Variants in CDCA7L observed in about 807,000 individuals in gnomAD.
CDCA7L encodes the protein cell division cycle associated 7 like, also known as cell division cycle-associated 7-like protein.
CDCA7L carries 44 observed loss-of-function variants against 57.4 expected under a neutral mutation model. The observed-to-expected ratio is 0.77, with a 90% CI of 0.60 to 0.98. The LOEUF (loss-of-function observed/expected upper bound fraction) is 0.98, where lower values mean the gene tolerates loss of function less well. CDCA7L is among the 50% of genes least tolerant of loss of function. CDCA7L has a pLI of 0.00. For synonymous variants in CDCA7L, 236 were observed against 202.8 expected, an observed-to-expected ratio of 1.16 and a Z score of -1.39; for missense variants, 644 against 580.6, an observed-to-expected ratio of 1.11 and a Z score of -1.12.
chr7:21,945,656 G>C, intron 1 of CDCA7L, 125 bp downstream of exon 1: 6 of 1,227,332 alleles, frequency 4.9e-6, no homozygotes, highest in Non-Finnish European at 6.9e-6. Context: ...AACCGGCTGG[G>C]CGCGCCAGAT....
Position 21,902,161 on chromosome 7 carries a change from CTTTG to C in CDCA7L, c.*157_*160del. ...CTGCTCTGCTGTCTTCCTGAGAAAT[CTTTG>C]TAAGCATATAAACAATCTTTAACAA... On this transcript the variant is annotated 3_prime_UTR_variant, in exon 10 of 10. Coordinates refer to ENST00000406877, the MANE Select transcript of CDCA7L (RefSeq NM_018719.5). 1.4e-6 allele frequency: 1 copy of C among 706,738 alleles called. No homozygotes were observed. Among genetic ancestry groups the C allele is most frequent in the Non-Finnish European group, 2.5e-6 (1 of 406,174 alleles). The allele number at this position is 706,738 out of a possible 1,614,324, so 43.8% of individuals were successfully genotyped here.
intron 7 of CDCA7L, among the ~76,000 whole-genome samples, chr7:21,904,591 C>T (rs1019166328): frequency 8.5e-5 from 13 of 152,184 alleles, no homozygotes; most frequent in Non-Finnish European, 1.2e-4. Flanking sequence ...GTGAATTGCA[C>T]ATGTGAGGGA....
In CDCA7L at chr7:21,902,277, T is replaced by TTGGAGTACTCTATGGTGAGGTG. The variant is rs1562617376; in HGVS notation, c.*23_*44dup. Reference sequence around the variant, plus strand: ...AGGCACCAATGGTATGCATGTCTTGTTGGAGTACTCTATGGTGAGGTGGCT... The same window carrying TTGGAGTACTCTATGGTGAGGTG: ...AGGCACCAATGGTATGCATGTCTTGTTGGAGTACTCTATGGTGAGGTGTGGAGTACTCTATGGTGAGGTGGCT... On this transcript the variant is annotated 3_prime_UTR_variant, in exon 10 of 10. Coordinates refer to ENST00000406877, the MANE Select transcript of CDCA7L (RefSeq NM_018719.5). The TTGGAGTACTCTATGGTGAGGTG allele has an allele frequency of 6.4e-7, 1 of 1,560,878 alleles. No homozygotes were observed. Among genetic ancestry groups the TTGGAGTACTCTATGGTGAGGTG allele is most frequent in the Non-Finnish European group, 8.8e-7 (1 of 1,131,936 alleles).
intron 3 of CDCA7L, 126 bp downstream of exon 3, chr7:21,911,491 T>TA: frequency 8.3e-7 from 1 of 1,206,658 alleles, no homozygotes; most frequent in Non-Finnish European, 1.1e-6. Flanking sequence ...GTTATGTTAA[T>TA]TGCTTGTAAG....
At chr7:21,921,933 A>C (rs1391602662) in intron 1 of CDCA7L, among the ~76,000 whole-genome samples, 3 of 152,202 alleles carry the variant, frequency 2.0e-5, no homozygotes, top group Non-Finnish European at 2.9e-5. Flanking sequence ...ATCAAAAGTC[A>C]TATGGGGGAC....
At chr7:21,939,788 C>A (rs1664042935) in intron 1 of CDCA7L, among the ~76,000 whole-genome samples, 1 of 152,006 alleles carries the variant, frequency 6.6e-6, no homozygotes, top group Non-Finnish European at 1.5e-5. Flanking sequence ...CTCTAACAAT[C>A]AAAAAGAAAC....
chr7:21,916,215 C>A lies in CDCA7L; in HGVS notation c.165+539G>T, dbSNP rs529323806. On this transcript the variant is annotated intron_variant, in intron 2 of 9. Coordinates refer to ENST00000406877, the MANE Select transcript of CDCA7L (RefSeq NM_018719.5). ...AAGGGTAGAGATTTTGGCCATTCTACTACTAGGACACAATGTGAACCTCCA... is the reference window on the plus strand; with the variant it reads ...AAGGGTAGAGATTTTGGCCATTCTAATACTAGGACACAATGTGAACCTCCA... Among the ~76,000 whole-genome samples, 10 of 152,232 alleles carry A rather than the reference C, an allele frequency of 6.6e-5. No individual in the cohort carries two copies. The South Asian group carries it at 8.3e-4, about 13-fold the overall frequency.
In CDCA7L at chr7:21,901,191, G is replaced by A. The variant is rs1784807762; in HGVS notation, c.*1131C>T. 2 of 1,613,432 alleles carry A rather than the reference G, an allele frequency of 1.2e-6. No homozygotes were observed. The highest frequency in any genetic ancestry group is 8.5e-7 in the Non-Finnish European group (1 of 1,179,704). ...CCAGCTACATCTGGACCTTCAGGCT[G>A]AAGAGCGAAGAGAAGACTGCAAAAT... is the stretch of plus-strand genomic sequence containing the variant. On this transcript the variant is annotated 3_prime_UTR_variant, in exon 10 of 10. Transcript: ENST00000406877.
At chr7:21,914,610 G>C (rs1272676384) in intron 2 of CDCA7L, among the ~76,000 whole-genome samples, 2 of 152,224 alleles carry the variant, frequency 1.3e-5, no homozygotes, top group Non-Finnish European at 2.9e-5. Context: ...TGTCAGTTCA[G>C]TTCCTGTGCC....
Position 21,903,093 on chromosome 7 carries a change from G to C in CDCA7L, c.1219C>G (p.Arg407Gly). 1 of 1,613,818 alleles carries C rather than the reference G, an allele frequency of 6.2e-7. No individual in the cohort carries two copies. ...LDPDWVCPPCRGICNCSYCRK... is the reference protein window; with the variant it reads ...LDPDWVCPPCGGICNCSYCRK... Reference sequence around the variant, plus strand: ...CAGTAGCTGCAATTGCAGATCCCACGACAGGGGGGACACACCCAATCCTAA... The same window carrying C: ...CAGTAGCTGCAATTGCAGATCCCACCACAGGGGGGACACACCCAATCCTAA... The change falls in exon 9 of 10, where the codon CGT (arginine) becomes GGT (glycine). Residue 407 changes from arginine (R) to glycine (G), a missense_variant. By Grantham distance (125) the Arg-to-Gly change is moderately radical (BLOSUM62 -2). Transcript: ENST00000406877.
Position 21,911,737 on chromosome 7 carries a change from A to G in CDCA7L, c.183T>C (p.His61=). The G allele has an allele frequency of 1.2e-6, 2 of 1,612,962 alleles. No homozygotes were observed. The highest frequency in any genetic ancestry group is 3.3e-5 in the Admixed American group (2 of 59,770). ...TTAGCTCTTCTGTGAAGTATTTGGAATGAAAGCGCACATCCTGCTAAATTA... is the reference window on the plus strand; with the variant it reads ...TTAGCTCTTCTGTGAAGTATTTGGAGTGAAAGCGCACATCCTGCTAAATTA... The part of the protein sequence containing the change: ...ESGKQQDVRF[H]SKYFTEELRR... The change falls in exon 3 of 10, where the codon CAT becomes CAC. Residue 61 remains histidine (H), a synonymous_variant. Transcript: ENST00000406877.
In CDCA7L at chr7:21,923,113, A is replaced by G. The variant is rs376312784; in HGVS notation, c.25-6219T>C. ...TATGCTTAACACTACTGAACCATAC[A>G]TTTTAAAATGGCTAAGATAGGAGAT... On this transcript the variant is annotated intron_variant, in intron 1 of 9. Coordinates refer to ENST00000406877, the MANE Select transcript of CDCA7L (RefSeq NM_018719.5). Among the ~76,000 whole-genome samples the G allele has an allele frequency of 7.9e-5, 12 of 152,340 alleles. No individual in the cohort carries two copies. In the East Asian group the frequency reaches 9.6e-4, roughly 12 times the overall value.
intron 1 of CDCA7L, among the ~76,000 whole-genome samples, chr7:21,927,089 T>C (rs564893231): frequency 2.6e-5 from 4 of 152,264 alleles, no homozygotes; most frequent in Middle Eastern, 3.4e-3. Context: ...ACTTCTCGAA[T>C]ATTTAATTCT....
intron 1 of CDCA7L, among the ~76,000 whole-genome samples, chr7:21,921,412 C>G (rs919201838): frequency 1.4e-5 from 2 of 147,902 alleles, no homozygotes; most frequent in African/African-American, 5.0e-5. Context: ...CTAACAGATG[C>G]AACAAAGGCA....
At chr7:21,914,099 C>T (rs1785410173) in intron 2 of CDCA7L, among the ~76,000 whole-genome samples, 2 of 152,190 alleles carry the variant, frequency 1.3e-5, no homozygotes, top group Admixed American at 1.3e-4. Flanking sequence ...GAGAAGCTAA[C>T]ATAGGTGGAT....
chr7:21,920,211 T>G (rs1320347147), intron 1 of CDCA7L, among the ~76,000 whole-genome samples: 2 of 152,234 alleles, frequency 1.3e-5, no homozygotes, highest in Non-Finnish European at 1.5e-5. Flanking sequence ...AGTATTATTA[T>G]GACATTACAT....
chr7:21,910,581 G>A (rs1465014843), intron 3 of CDCA7L, among the ~76,000 whole-genome samples: 2 of 152,190 alleles, frequency 1.3e-5, no homozygotes, highest in East Asian at 3.9e-4. Context: ...TCATACTGAA[G>A]AAGATAGTAG....
intron 1 of CDCA7L, among the ~76,000 whole-genome samples, chr7:21,929,747 G>A (rs1468262413): frequency 3.3e-5 from 5 of 151,592 alleles, no homozygotes; most frequent in African/African-American, 4.9e-5. Context: ...AATGCTAAAG[G>A]GATCAATCCA....
In CDCA7L at chr7:21,901,188, GCTGAAGA is replaced by G; in HGVS notation, c.*1127_*1133del. 6.2e-7 allele frequency: 1 copy of G among 1,613,420 alleles called. No individual in the cohort carries two copies. Among genetic ancestry groups the G allele is most frequent in the Non-Finnish European group, 8.5e-7 (1 of 1,179,652 alleles). ...GCCCCAGCTACATCTGGACCTTCAGGCTGAAGAGCGAAGAGAAGACTGCAAAATGGGT... is the reference window on the plus strand; with the variant it reads ...GCCCCAGCTACATCTGGACCTTCAGGGCGAAGAGAAGACTGCAAAATGGGT... On this transcript the variant is annotated 3_prime_UTR_variant, in exon 10 of 10. Transcript: ENST00000406877.
Sources: allele counts gnomAD v4.1 joint callset (sites outside exome capture counted in the v4.1 genomes callset), GRCh38; gene constraint gnomAD v4.1.1; transcripts MANE v1.5; gene names NCBI Gene and HGNC (gene_info 2026-07-23, HGNC 2026-07-21).